The following MBNL2 variants were observed in gnomAD, a reference collection of about 807,000 sequenced individuals.
The protein encoded by MBNL2 is muscleblind-like protein 2.
In MBNL2, 17 loss-of-function variants were observed where a neutral mutation model predicts 41.9. The ratio of observed to expected loss-of-function variants is 0.41; its 90% CI spans 0.28 to 0.61. The LOEUF is 0.61. MBNL2 is among the 20% of genes least tolerant of loss of function. The pLI is 0.35. For missense variants in MBNL2, 336 were observed against 505.6 expected (o/e 0.66, Z 3.22); for synonymous variants, 195 against 182.9 (o/e 1.07, Z -0.53).
At chr13:97,371,559 C>A (rs1363257837) in intron 8 of MBNL2, among the ~76,000 whole-genome samples, 1 of 152,020 alleles carries the variant, frequency 6.6e-6, no homozygotes, top group Non-Finnish European at 1.5e-5. Context: ...TACCTTGATG[C>A]CAAGTTAAAG....
chr13:97,328,123 C>T (rs566597007), intron 2 of MBNL2, among the ~76,000 whole-genome samples: 63 of 151,678 alleles, frequency 4.2e-4, no homozygotes, highest in African/African-American at 1.4e-3. Flanking sequence ...AGAACAGCAG[C>T]GCTGCATTTT....
chr13:97,199,432 A>G, the MBNL2 span, among the ~76,000 whole-genome samples: 19 of 152,256 alleles, frequency 1.2e-4, no homozygotes, highest in East Asian at 7.7e-4. Flanking sequence ...GAGTTTGTCT[A>G]TTGTGCTCCC....
At chr13:97,369,703 AG>A (rs1201035557) in intron 8 of MBNL2, among the ~76,000 whole-genome samples, 6 of 152,198 alleles carry the variant, frequency 3.9e-5, no homozygotes, top group Non-Finnish European at 8.8e-5. Flanking sequence ...CCCCACGGGG[AG>A]CCAAGCTGAA....
chr13:97,256,482 A>C (rs749135389), intron 1 of MBNL2, among the ~76,000 whole-genome samples: 1 of 152,182 alleles, frequency 6.6e-6, no homozygotes, highest in African/African-American at 2.4e-5. Flanking sequence ...AGACGTAATA[A>C]ATATTTGCTG....
At chr13:97,330,156 T>C (rs1180052615) in intron 2 of MBNL2, among the ~76,000 whole-genome samples, 1 of 152,168 alleles carries the variant, frequency 6.6e-6, no homozygotes, top group Admixed American at 6.5e-5. Flanking sequence ...GAAATATTTG[T>C]TGAATGAAAG....
chr13:97,213,387 C>A, the MBNL2 span, among the ~76,000 whole-genome samples: 1 of 152,180 alleles, frequency 6.6e-6, no homozygotes, highest in African/African-American at 2.4e-5. Context: ...AGTTAGATTT[C>A]TTTTTTTAAG....
the MBNL2 span, among the ~76,000 whole-genome samples, chr13:97,155,847 C>T: frequency 1.3e-5 from 2 of 148,852 alleles, no homozygotes; most frequent in Non-Finnish European, 3.0e-5. Context: ...AATAATGCCG[C>T]AATAAACATA....
Position 97,268,815 on chromosome 13 carries a change from G to T in MBNL2, c.-604-6817G>T, listed in dbSNP as rs569768618. Among the ~76,000 whole-genome samples the T allele has an allele frequency of 2.6e-4, 39 of 152,340 alleles. No individual in the cohort carries two copies. Among genetic ancestry groups the T allele is most frequent in the African/African-American group, 9.4e-4 (39 of 41,586 alleles). On this transcript the variant is annotated intron_variant, in intron 1 of 8. Transcript: ENST00000679496. This position sits in a 1 kb window ranked among gnomAD's most constrained non-coding sequence, Gnocchi z 4.6. ...ACCCTGTAGGAGTTTACACTGTGGG[G>T]AGGCAGATGGAGAAATCAGTATTTA...
chr13:97,258,414 T>C (rs2047971611), intron 1 of MBNL2, among the ~76,000 whole-genome samples: 1 of 152,220 alleles, frequency 6.6e-6, no homozygotes, highest in Non-Finnish European at 1.5e-5. Context: ...ACTTTCTTTC[T>C]TTCTTTCTTT....
the MBNL2 span, among the ~76,000 whole-genome samples, chr13:97,164,038 G>T: frequency 6.6e-6 from 1 of 151,974 alleles, no homozygotes; most frequent in Admixed American, 6.6e-5. Context: ...ACAGGGTCTC[G>T]CTCTGTCACC....
chr13:97,202,735 G>C, the MBNL2 span, among the ~76,000 whole-genome samples: 3 of 152,162 alleles, frequency 2.0e-5, no homozygotes, highest in African/African-American at 7.2e-5. Flanking sequence ...TTAAACTGTA[G>C]AACGTAGAAC....
In MBNL2 at chr13:97,287,918, G is replaced by GTTTTT. The variant is rs11423615; in HGVS notation, c.174+11515_174+11519dup. On this transcript the variant is annotated intron_variant, in intron 2 of 8. Coordinates refer to ENST00000679496, the MANE Select transcript of MBNL2 (RefSeq NM_001382683.1). ...TGCCACCAGGCCCGGCTAATTTTCTGTTTTTTTTTTGTTTTGTTTTGTTTT... is the reference window on the plus strand; with the variant it reads ...TGCCACCAGGCCCGGCTAATTTTCTGTTTTTTTTTTTTTTTGTTTTGTTTTGTTTT... Among the ~76,000 whole-genome samples, 73 of 124,612 alleles carry GTTTTT rather than the reference G, an allele frequency of 5.9e-4. 4 individuals are homozygous for GTTTTT. The highest frequency in any genetic ancestry group is 2.5e-3 in the African/African-American group (71 of 28,768). 81.8% of individuals were successfully genotyped at this position (124,612 alleles called of 152,430 possible).
At position 97,328,663 on chromosome 13, in the gene MBNL2, G is replaced by A. The variant is rs55768634; in HGVS notation, c.175-5613G>A. 1.4e-3 allele frequency among the ~76,000 whole-genome samples: 215 copies of A among 152,064 alleles called. 1 individual carries two copies. Among genetic ancestry groups the A allele is most frequent in the African/African-American group, 4.6e-3 (192 of 41,382 alleles). On this transcript the variant is annotated intron_variant, in intron 2 of 8. Coordinates refer to ENST00000679496, the MANE Select transcript of MBNL2 (RefSeq NM_001382683.1). The stretch of plus-strand genomic sequence containing the variant: ...AAGACACAGTTCAAATTATTCCAGC[G>A]GAATACAAATGGCGGGGGCCTGTTA...
In MBNL2 at chr13:97,374,425, A is replaced by G. The variant is rs557201693; in HGVS notation, c.1048+9254A>G. 4.4e-4 allele frequency among the ~76,000 whole-genome samples: 66 copies of G among 150,172 alleles called. 1 individual carries two copies. In the East Asian group the frequency reaches 0.012, roughly 28 times the overall value. On this transcript the variant is annotated intron_variant, in intron 8 of 8. Coordinates refer to ENST00000679496, the MANE Select transcript of MBNL2 (RefSeq NM_001382683.1). ...GCCTCCCAAAGTGCTGGGATTACAG[A>G]CGTGAGCCACCGCGCCCGGCCGCAG...
chr13:97,196,051 G>A, the MBNL2 span, among the ~76,000 whole-genome samples: 1 of 152,190 alleles, frequency 6.6e-6, no homozygotes, highest in African/African-American at 2.4e-5. Context: ...CCCTTGCCGT[G>A]TCTCATATCA....
At chr13:97,351,108 T>A (rs2062406462) in intron 5 of MBNL2, among the ~76,000 whole-genome samples, 1 of 152,220 alleles carries the variant, frequency 6.6e-6, no homozygotes, top group African/African-American at 2.4e-5. Context: ...AAAACAACAT[T>A]AATCTCCTTG....
At chr13:97,261,944 C>G (rs1415833272) in intron 1 of MBNL2, among the ~76,000 whole-genome samples, 2 of 152,162 alleles carry the variant, frequency 1.3e-5, no homozygotes, top group Non-Finnish European at 2.9e-5. Context: ...GCACGCTGGC[C>G]CATACCTCTA....
chr13:97,355,247 ATC>A (rs963443074), intron 5 of MBNL2, among the ~76,000 whole-genome samples: 37 of 152,104 alleles, frequency 2.4e-4, no homozygotes, highest in Admixed American at 1.2e-3. Flanking sequence ...GCCGTTCTAA[ATC>A]TCTTCTCTGC....
At chr13:97,206,180 A>G in the MBNL2 span, among the ~76,000 whole-genome samples, 3 of 152,102 alleles carry the variant, frequency 2.0e-5, no homozygotes, top group Non-Finnish European at 2.9e-5. Context: ...ACCCAGCAAA[A>G]TTTACTCCCC....
Sources: gnomAD v4.1 joint callset for allele counts (sites outside exome capture counted in the v4.1 genomes callset) on GRCh38, gnomAD v4.1.1 for gene constraint, Gnocchi (gnomAD v3.1) non-coding constraint, MANE v1.5 for transcripts, NCBI Gene and HGNC (gene_info 2026-07-23, HGNC 2026-07-21) for gene names.